The following GMDS variants were observed in gnomAD, a reference collection of about 807,000 sequenced individuals.
GMDS encodes GDP-mannose 4,6 dehydratase.
Under a neutral mutation model 49.9 loss-of-function variants are expected in GMDS, and 20 were observed. That is an observed-to-expected ratio of 0.40 (90% CI 0.28 to 0.58). GMDS has a LOEUF of 0.58. GMDS is among the 20% of genes least tolerant of loss of function. The pLI, the probability that GMDS is intolerant of heterozygous loss-of-function variation, is 0.42. For synonymous variants in GMDS, 177 were observed against 178.6 expected (o/e 0.99, Z 0.07); for missense variants, 362 against 481.4 (o/e 0.75, Z 2.32).
intron 7 of GMDS, among the ~76,000 whole-genome samples, chr6:1,874,778 AATGG>A (rs1160821284): frequency 6.6e-6 from 1 of 152,226 alleles, no homozygotes; most frequent in East Asian, 1.9e-4. Flanking sequence ...CAGCACTAGC[AATGG>A]ATGTGAAAGC....
intron 1 of GMDS, among the ~76,000 whole-genome samples, chr6:2,185,221 A>G (rs957015224): frequency 6.6e-6 from 1 of 152,232 alleles, no homozygotes; most frequent in Non-Finnish European, 1.5e-5. Context: ...CTGGGATACA[A>G]TTACTGAACA....
chr6:1,786,255 T>TG (rs1403573064), intron 7 of GMDS, among the ~76,000 whole-genome samples: 3 of 152,366 alleles, frequency 2.0e-5, no homozygotes, highest in Non-Finnish European at 4.4e-5. Context: ...CAGCCATCAA[T>TG]GAGGTTGATA....
chr6:1,892,629 A>G (rs574912488), intron 7 of GMDS, among the ~76,000 whole-genome samples: 7 of 152,308 alleles, frequency 4.6e-5, no homozygotes, highest in Non-Finnish European at 7.4e-5. Context: ...AAGTGCTGAG[A>G]TTACAGGCAT....
rs778826925 is a variant in GMDS at position 2,238,224 on chromosome 6, A to G, written c.102+7097T>C. 1.5e-3 allele frequency among the ~76,000 whole-genome samples: 71 copies of G among 48,632 alleles called. 2 individuals carry two copies. Among genetic ancestry groups the G allele is most frequent in the African/African-American group, 1.8e-3 (7 of 3,836 alleles). The allele number at this position is 48,632 out of a possible 152,430, so 31.9% of individuals were successfully genotyped here. ...CAGCTGGTGAGATCCTGTCTCTACA[A>G]AAAAAAAAAAAAAATAGTAAAAAAA... On this transcript the variant is annotated intron_variant, in intron 1 of 10. Transcript: ENST00000380815.
chr6:2,120,309 TATA>T (rs1775070676), intron 2 of GMDS, among the ~76,000 whole-genome samples: 1 of 152,170 alleles, frequency 6.6e-6, no homozygotes, highest in Non-Finnish European at 1.5e-5. Flanking sequence ...CAACACTCAG[TATA>T]GTTTCAACAT....
chr6:1,912,137 G>A (rs1377660472), intron 7 of GMDS, among the ~76,000 whole-genome samples: 2 of 152,030 alleles, frequency 1.3e-5, no homozygotes, highest in South Asian at 2.1e-4. Flanking sequence ...AGGCTGAGGC[G>A]GGTGGATCAC....
intron 7 of GMDS, among the ~76,000 whole-genome samples, chr6:1,809,168 C>T (rs543110096): frequency 6.6e-6 from 1 of 152,256 alleles, no homozygotes; most frequent in African/African-American, 2.4e-5. Flanking sequence ...TCTCCAGGCT[C>T]CTCCCTCACT....
chr6:1,907,092 G>A (rs1760815305), intron 7 of GMDS, among the ~76,000 whole-genome samples: 1 of 152,122 alleles, frequency 6.6e-6, no homozygotes, highest in African/African-American at 2.4e-5. Context: ...ATATATATTT[G>A]TGTCTGCAAG....
intron 4 of GMDS, among the ~76,000 whole-genome samples, chr6:2,069,304 G>C (rs1169214976): frequency 1.3e-5 from 2 of 152,042 alleles, no homozygotes; most frequent in Non-Finnish European, 2.9e-5. Flanking sequence ...GATCTAAAAC[G>C]ATAAAAACCC....
intron 4 of GMDS, among the ~76,000 whole-genome samples, chr6:2,114,581 C>G (rs897871670): frequency 6.6e-6 from 1 of 152,258 alleles, no homozygotes; most frequent in Admixed American, 6.5e-5. Context: ...TGGTGAAAGT[C>G]TGGATATAGA....
rs572633812 is a variant in GMDS, at chr6:2,180,399, G to GT, written c.103-55669dup. Among the ~76,000 whole-genome samples the GT allele has an allele frequency of 3.9e-5, 6 of 152,274 alleles. No individual in the cohort carries two copies. In the South Asian group the frequency reaches 1.2e-3, roughly 32 times the overall value. Reference sequence around the variant, plus strand: ...GCTAGGTCCAGTGTGGTAATTCCAAGTTTGACAATAAATTTTGATCTTTTC... The same window carrying GT: ...GCTAGGTCCAGTGTGGTAATTCCAAGTTTTGACAATAAATTTTGATCTTTTC... On this transcript the variant is annotated intron_variant, in intron 1 of 10. Coordinates refer to ENST00000380815, the MANE Select transcript of GMDS (RefSeq NM_001500.4).
chr6:2,137,674 C>T (rs1776078648), intron 1 of GMDS, among the ~76,000 whole-genome samples: 1 of 152,062 alleles, frequency 6.6e-6, no homozygotes, highest in South Asian at 2.1e-4. Context: ...GGCAAGTGCC[C>T]CTTTTTGTTT....
chr6:2,014,771 C>G (rs955939616), intron 4 of GMDS, among the ~76,000 whole-genome samples: 3 of 151,824 alleles, frequency 2.0e-5, no homozygotes, highest in African/African-American at 7.3e-5. Flanking sequence ...AATTAGAAAA[C>G]AAAGAGTGAC....
intron 4 of GMDS, among the ~76,000 whole-genome samples, chr6:2,109,291 T>G (rs906696434): frequency 3.9e-5 from 6 of 151,998 alleles, no homozygotes; most frequent in Admixed American, 3.9e-4. Context: ...GTGGTGAGGG[T>G]CCAATCCCAG....
chr6:1,877,644 TAAAAAAAAAAAAA>T (rs60037634), intron 7 of GMDS, among the ~76,000 whole-genome samples: 1 of 90,514 alleles, frequency 1.1e-5, no homozygotes, highest in East Asian at 4.4e-4. Flanking sequence ...TCTCAAAAAT[TAAAAAAAAAAAAA>T]AAAAAAAAAA....
chr6:2,202,184 G>A (rs1382435510), intron 1 of GMDS, among the ~76,000 whole-genome samples: 2 of 144,882 alleles, frequency 1.4e-5, no homozygotes, highest in Admixed American at 6.9e-5. Flanking sequence ...ATGGACATCC[G>A]AGATGTAACC....
intron 4 of GMDS, among the ~76,000 whole-genome samples, chr6:2,064,376 G>A (rs1029699509): frequency 2.6e-5 from 4 of 152,126 alleles, no homozygotes; most frequent in Admixed American, 6.6e-5. Context: ...ACAAAAAACC[G>A]AAGTGTGGGA....
At chr6:1,985,467 A>G (rs1765490397) in intron 4 of GMDS, among the ~76,000 whole-genome samples, 1 of 152,226 alleles carries the variant, frequency 6.6e-6, no homozygotes, top group South Asian at 2.1e-4. Flanking sequence ...TTTACTACAG[A>G]GAACATGAAA....
At chr6:1,987,032 C>T (rs888352027) in intron 4 of GMDS, among the ~76,000 whole-genome samples, 1 of 152,140 alleles carries the variant, frequency 6.6e-6, no homozygotes, top group African/African-American at 2.4e-5. Flanking sequence ...TTGTTTGAGG[C>T]AACGTTGTAC....
Sources: gnomAD v4.1 joint callset for allele counts (sites outside exome capture counted in the v4.1 genomes callset) on GRCh38, gnomAD v4.1.1 for gene constraint, MANE v1.5 for transcripts, NCBI Gene and HGNC (gene_info 2026-07-23, HGNC 2026-07-21) for gene names.